Variants in KANK1 observed in about 807,000 individuals in gnomAD.
KANK1 encodes KN motif and ankyrin repeat domains 1.
Under a neutral mutation model 106.2 loss-of-function variants are expected in KANK1, and 109 were observed. The ratio of observed to expected loss-of-function variants is 1.03; its 90% confidence interval spans 0.88 to 1.20. The LOEUF (loss-of-function observed/expected upper bound fraction) is 1.20. KANK1 is among the 50% of genes most tolerant of loss of function. The pLI is 0.00. For synonymous variants in KANK1, 873 were observed against 652.2 expected, an observed-to-expected ratio of 1.34 and a Z score of -5.16; for missense variants, 2,399 against 1,710.7, an observed-to-expected ratio of 1.40 and a Z score of -7.10.
At chr9:639,162 C>A (rs1056523798) in intron 1 of KANK1, among the ~76,000 whole-genome samples, 1 of 152,134 alleles carries the variant, frequency 6.6e-6, no homozygotes, top group African/African-American at 2.4e-5. Flanking sequence ...CTCTTCAAAG[C>A]TGTCATTTTA....
rs180833515 is a variant in KANK1, at chr9:684,298, A to G, written c.37+7289A>G. ...AGTGAGTACCAGCCTATTTGAGTGT[A>G]GGAAGGAGAAAAATCTGTGCTCCTG... On this transcript the variant is annotated intron_variant, in intron 2 of 11. Coordinates refer to ENST00000382297, the MANE Select transcript of KANK1 (RefSeq NM_015158.5). 73 of 985,440 alleles carry G rather than the reference A, an allele frequency of 7.4e-5. No homozygotes were observed. In the African/African-American group the frequency reaches 1.1e-3, roughly 15 times the overall value. 61.0% of individuals were successfully genotyped at this position (985,440 alleles called of 1,614,324 possible).
At chr9:523,259 A>G (rs1310391109) in intron 1 of KANK1, among the ~76,000 whole-genome samples, 1 of 151,644 alleles carries the variant, frequency 6.6e-6, no homozygotes, top group African/African-American at 2.4e-5. Context: ...ACAGACTTCT[A>G]GTGGTAAAAC....
intron 1 of KANK1, among the ~76,000 whole-genome samples, chr9:610,698 C>T (rs1372166761): frequency 6.6e-6 from 1 of 152,188 alleles, no homozygotes; most frequent in African/African-American, 2.4e-5. Flanking sequence ...AAGAATTGTA[C>T]ATTCCAGGAA....
intron 2 of KANK1, among the ~76,000 whole-genome samples, chr9:691,088 A>C (rs898127073): frequency 2.0e-5 from 3 of 152,158 alleles, no homozygotes; most frequent in African/African-American, 4.8e-5. Context: ...TCAAATTTTT[A>C]ATTGTTTCCC....
intron 1 of KANK1, among the ~76,000 whole-genome samples, chr9:551,221 G>C (rs1396012561): frequency 6.6e-6 from 1 of 151,374 alleles, no homozygotes; most frequent in Non-Finnish European, 1.5e-5. Flanking sequence ...GAAAGATGAA[G>C]AATAAGGGCA....
chr9:740,209 G>T (rs1042000867), intron 8 of KANK1, among the ~76,000 whole-genome samples: 1 of 152,140 alleles, frequency 6.6e-6, no homozygotes, highest in Non-Finnish European at 1.5e-5. Flanking sequence ...CTGGTTCATC[G>T]ATTCTGTTAA....
intron 1 of KANK1, among the ~76,000 whole-genome samples, chr9:560,249 T>TA (rs1412137907): frequency 1.3e-5 from 2 of 152,168 alleles, no homozygotes; most frequent in African/African-American, 2.4e-5. Context: ...GATATCAGAA[T>TA]AAAAAAACTA....
intron 1 of KANK1, among the ~76,000 whole-genome samples, chr9:630,963 A>C (rs1191539277): frequency 6.6e-6 from 1 of 152,124 alleles, no homozygotes; most frequent in Non-Finnish European, 1.5e-5. Flanking sequence ...TCAAAAAACA[A>C]AACAAAACAA....
At chr9:535,929 A>G (rs1458140887) in intron 1 of KANK1, among the ~76,000 whole-genome samples, 2 of 152,116 alleles carry the variant, frequency 1.3e-5, no homozygotes, top group Admixed American at 6.5e-5. Flanking sequence ...TCACTACCCA[A>G]TTCCAAAACC....
chr9:473,196 G>A (rs141577565), exon 3 of KANK1: 8 of 152,208 alleles, frequency 5.3e-5, no homozygotes, highest in African/African-American at 1.9e-4. Flanking sequence ...TTCTACAGGA[G>A]AGAATACAGC....
intron 5 of KANK1, 59 bp downstream of exon 5, chr9:731,325 A>AAATGTGACTTAGGCAGG: frequency 9.8e-7 from 1 of 1,024,754 alleles, no homozygotes; most frequent in Non-Finnish European, 1.5e-6. Flanking sequence ...CCTCCTGCCT[A>AAATGTGACTTAGGCAGG]AGTCACATTT....
At chr9:650,531 G>A (rs1434735257) in intron 1 of KANK1, among the ~76,000 whole-genome samples, 1 of 152,154 alleles carries the variant, frequency 6.6e-6, no homozygotes, top group African/African-American at 2.4e-5. Context: ...TGGTGCTGCT[G>A]GACCACAGGC....
intron 8 of KANK1, among the ~76,000 whole-genome samples, chr9:739,427 C>CAGAGAAGAAAG (rs1225626404): frequency 6.6e-6 from 1 of 152,164 alleles, no homozygotes; most frequent in Non-Finnish European, 1.5e-5. Context: ...GGAATTGATG[C>CAGAGAAGAAAG]AGAGAAGAAA....
chr9:508,200 G>A (rs1045197505), intron 1 of KANK1, among the ~76,000 whole-genome samples: 5 of 133,896 alleles, frequency 3.7e-5, no homozygotes, highest in Non-Finnish European at 6.1e-5. Context: ...GTGCATTGGG[G>A]TGATCTCAGC....
chr9:668,225 G>T (rs551728466), intron 1 of KANK1, among the ~76,000 whole-genome samples: 1 of 152,282 alleles, frequency 6.6e-6, no homozygotes, highest in African/African-American at 2.4e-5. Flanking sequence ...ATAAATATCA[G>T]TTGGACCTAT....
At chr9:573,915 A>T (rs1159663223) in intron 1 of KANK1, among the ~76,000 whole-genome samples, 2 of 152,186 alleles carry the variant, frequency 1.3e-5, no homozygotes, top group African/African-American at 4.8e-5. Context: ...TTTGTTTTGT[A>T]ATTGCATTTA....
chr9:491,213 G>A (rs2058372431), intron 3 of KANK1, among the ~76,000 whole-genome samples: 1 of 151,582 alleles, frequency 6.6e-6, no homozygotes, highest in East Asian at 1.9e-4. Flanking sequence ...CTCCTACCTC[G>A]GCCTCCCAAA....
At chr9:495,020 C>T (rs1272775798) in intron 3 of KANK1, among the ~76,000 whole-genome samples, 1 of 152,160 alleles carries the variant, frequency 6.6e-6, no homozygotes, top group Non-Finnish European at 1.5e-5. Flanking sequence ...ACAGCAAGTG[C>T]AAAGTAACTA....
At chr9:685,113 T>C (rs1818300001) in intron 2 of KANK1, among the ~76,000 whole-genome samples, 1 of 152,234 alleles carries the variant, frequency 6.6e-6, no homozygotes, top group African/African-American at 2.4e-5. Context: ...CATTTCCACA[T>C]GCTTTAGGAA....
Sources: allele counts gnomAD v4.1 joint callset (sites outside exome capture counted in the v4.1 genomes callset), GRCh38; gene constraint gnomAD v4.1.1; transcripts MANE v1.5; gene names NCBI Gene and HGNC (gene_info 2026-07-23, HGNC 2026-07-21).